Variants in BLTP2 observed in about 807,000 individuals in gnomAD.
The protein encoded by BLTP2 is bridge-like lipid transfer protein family member 2, also known as U937-associated antigen.
the BLTP2 span, chr17:28,615,954 C>T: frequency 9.7e-7 from 1 of 1,033,650 alleles, no homozygotes; most frequent in Non-Finnish European, 1.5e-6. Context: ...GATGCTGACT[C>T]TTGAGGGGAG....
chr17:28,633,839 C>T, the BLTP2 span: 1 of 1,602,890 alleles, frequency 6.2e-7, no homozygotes, highest in Non-Finnish European at 8.5e-7. Flanking sequence ...GCTCACCTCC[C>T]ATTTCACCCA....
At chr17:28,640,457 T>C in the BLTP2 span, 1 of 1,213,036 alleles carries the variant, frequency 8.2e-7, no homozygotes, top group South Asian at 1.3e-5. Context: ...CTACTTCCTT[T>C]CTCCCCGTAG....
the BLTP2 span, chr17:28,628,483 G>C: frequency 6.2e-7 from 1 of 1,614,076 alleles, no homozygotes; most frequent in South Asian, 1.1e-5. Flanking sequence ...ATTGGTAGTT[G>C]TCCAGGAAAT....
the BLTP2 span, chr17:28,642,985 T>C: frequency 4.4e-6 from 7 of 1,578,040 alleles, no homozygotes; most frequent in South Asian, 1.1e-5. Flanking sequence ...GAATGGAGAA[T>C]AGCTGGAAGG....
At chr17:28,619,818 G>A in the BLTP2 span, 1 of 1,613,538 alleles carries the variant, frequency 6.2e-7, no homozygotes, top group African/African-American at 1.3e-5. Context: ...CCTCGTTCTA[G>A]GAGACTTCCT....
the BLTP2 span, chr17:28,637,294 C>T: frequency 1.3e-6 from 1 of 781,074 alleles, no homozygotes; most frequent in Non-Finnish European, 2.1e-6. Flanking sequence ...AAGTTCATTT[C>T]TTAGGTTTTA....
At chr17:28,636,902 C>A in the BLTP2 span, 23 of 1,198,042 alleles carry the variant, frequency 1.9e-5, no homozygotes, top group South Asian at 2.6e-5. Flanking sequence ...AAAAAAAAGA[C>A]AGAGAAAGGC....
At chr17:28,628,494 C>T in the BLTP2 span, 13 of 1,614,018 alleles carry the variant, frequency 8.1e-6, no homozygotes, top group Admixed American at 3.3e-5. Context: ...TCCAGGAAAT[C>T]CGTAAATCTA....
the BLTP2 span, among the ~76,000 whole-genome samples, chr17:28,630,472 T>G: frequency 1.4e-4 from 20 of 145,560 alleles, no homozygotes; most frequent in African/African-American, 4.1e-4. Flanking sequence ...ACTGTTTTTT[T>G]TTTTTTTTTT....
the BLTP2 span, chr17:28,635,357 C>T: frequency 6.2e-7 from 1 of 1,614,112 alleles, no homozygotes; most frequent in Non-Finnish European, 8.5e-7. Context: ...TCCTCAGCTA[C>T]AAAAGCTGTG....
the BLTP2 span, chr17:28,621,225 G>A: frequency 1.3e-6 from 2 of 1,553,894 alleles, no homozygotes; most frequent in Non-Finnish European, 1.8e-6. Flanking sequence ...AAGATAATGT[G>A]AGAGCCTCCC....
the BLTP2 span, chr17:28,620,003 TCTCA>T: frequency 5.0e-6 from 8 of 1,613,292 alleles, no homozygotes; most frequent in Admixed American, 3.3e-5. Context: ...CGTTGCTTCT[TCTCA>T]CTATGTTCCT....
At chr17:28,636,851 C>A in the BLTP2 span, 3 of 838,718 alleles carry the variant, frequency 3.6e-6, no homozygotes, top group South Asian at 1.6e-5. Flanking sequence ...CCAGTCTGGG[C>A]AACATGTGAC....
the BLTP2 span, chr17:28,638,668 T>A: frequency 7.2e-7 from 1 of 1,392,442 alleles, no homozygotes; most frequent in Non-Finnish European, 1.0e-6. Flanking sequence ...ACATCATTGT[T>A]TGGTAAGAAA....
At chr17:28,619,896 T>C in the BLTP2 span, 4 of 1,613,946 alleles carry the variant, frequency 2.5e-6, no homozygotes, top group African/African-American at 1.3e-5. Context: ...CCAGCTGTCG[T>C]ATTTGGGCCA....
chr17:28,614,752 T>C, the BLTP2 span: 2 of 162,536 alleles, frequency 1.2e-5, no homozygotes, highest in Non-Finnish European at 1.3e-5. Flanking sequence ...TATAAAAATT[T>C]ATCACACTTG....
chr17:28,639,877 G>C, the BLTP2 span: 2 of 1,613,736 alleles, frequency 1.2e-6, no homozygotes, highest in Admixed American at 3.3e-5. Context: ...TTCTCGCTCA[G>C]TACCAGTACC....
the BLTP2 span, chr17:28,614,844 CTT>C: frequency 2.1e-6 from 1 of 477,594 alleles, no homozygotes; most frequent in South Asian, 3.9e-5. Context: ...GTCTTGCTCT[CTT>C]GTTGCCTCTC....
chr17:28,642,335 C>T, the BLTP2 span: 1 of 1,614,090 alleles, frequency 6.2e-7, no homozygotes, highest in Non-Finnish European at 8.5e-7. Flanking sequence ...CACAGATTAG[C>T]CTGGGAAAGG....
Sources: gnomAD v4.1 joint callset for allele counts (sites outside exome capture counted in the v4.1 genomes callset) on GRCh38, gnomAD v4.1.1 for gene constraint, MANE v1.5 for transcripts, NCBI Gene and HGNC (gene_info 2026-07-23, HGNC 2026-07-21) for gene names.